The following RYR2 variants were observed in gnomAD, a reference collection of about 807,000 sequenced individuals.
RYR2 encodes the protein ryanodine receptor 2.
A neutral mutation model predicts 601.1 loss-of-function variants in RYR2; 227 were observed. The ratio of observed to expected loss-of-function variants is 0.38; its 90% CI spans 0.34 to 0.42. RYR2 has a LOEUF of 0.42. Among genes scored for constraint, RYR2 ranks in the 10% least tolerant of loss-of-function variants. The pLI is 1.00. For missense variants in RYR2, 4,646 were observed against 6,156.5 expected, an observed-to-expected ratio of 0.75 and a Z score of 8.21; for synonymous variants, 2,223 against 2,175.1, an observed-to-expected ratio of 1.02 and a Z score of -0.61.
intron 3 of RYR2, 147 bp downstream of exon 3, chr1:237,331,129 C>T: frequency 1.4e-6 from 1 of 711,888 alleles, no homozygotes; most frequent in Non-Finnish European, 2.5e-6. Context: ...TGACTTTCTG[C>T]TTTATCTAGC....
intron 48 of RYR2, among the ~76,000 whole-genome samples, chr1:237,647,894 G>A (rs1220344496): frequency 1.3e-5 from 2 of 152,302 alleles, no homozygotes; most frequent in South Asian, 4.1e-4. Flanking sequence ...TGTTGATAGA[G>A]AAAGCAATAT....
chr1:237,440,344 T>A (rs994709781), intron 12 of RYR2, among the ~76,000 whole-genome samples: 1 of 152,150 alleles, frequency 6.6e-6, no homozygotes, highest in Non-Finnish European at 1.5e-5. Flanking sequence ...AGAAGACACG[T>A]AAAGTAAATT....
chr1:237,356,593 G>T (rs916888359), intron 4 of RYR2, among the ~76,000 whole-genome samples: 1 of 152,016 alleles, frequency 6.6e-6, no homozygotes, highest in Non-Finnish European at 1.5e-5. Flanking sequence ...GAAGGTGAAT[G>T]ACCATGTAGA....
intron 1 of RYR2, among the ~76,000 whole-genome samples, chr1:237,135,532 A>ATTT (rs71178396): frequency 7.3e-6 from 1 of 136,056 alleles, no homozygotes; most frequent in African/African-American, 2.8e-5. Flanking sequence ...ACCACACCTA[A>ATTT]TTTTTTTTTT....
chr1:237,484,773 A>G (rs1472503008), intron 17 of RYR2, among the ~76,000 whole-genome samples: 1 of 152,212 alleles, frequency 6.6e-6, no homozygotes, highest in African/African-American at 2.4e-5. Flanking sequence ...TAAGTCTATC[A>G]GTAAAAAGCA....
chr1:237,705,547 T>C (rs1688297869), intron 67 of RYR2, among the ~76,000 whole-genome samples: 1 of 152,088 alleles, frequency 6.6e-6, no homozygotes, highest in Non-Finnish European at 1.5e-5. Context: ...GCAATCAGAA[T>C]ATGTGGTAAT....
At chr1:237,825,992 G>A (rs142618878) in intron 101 of RYR2, among the ~76,000 whole-genome samples, 2,228 of 152,172 alleles carry the variant, frequency 0.015, 28 homozygotes, top group Non-Finnish European at 0.019. Flanking sequence ...TTAGAATGGC[G>A]ATCATTAAAA....
intron 24 of RYR2, among the ~76,000 whole-genome samples, chr1:237,514,630 A>T (rs1666239344): frequency 6.6e-6 from 1 of 152,148 alleles, no homozygotes; most frequent in Non-Finnish European, 1.5e-5. Context: ...TATTTCCTTT[A>T]TTCACTTATT....
rs147406071 is a variant in RYR2, at chr1:237,734,785, G to A, written c.11091+1029G>A. Among the ~76,000 whole-genome samples, 12 of 152,308 alleles carry A rather than the reference G, an allele frequency of 7.9e-5. No individual in the cohort carries two copies. In the East Asian group the frequency reaches 1.9e-3, roughly 24 times the overall value. On this transcript the variant is annotated intron_variant, in intron 79 of 104. Coordinates refer to ENST00000366574, the MANE Select transcript of RYR2 (RefSeq NM_001035.3). Reference sequence around the variant, plus strand: ...AGAAGGCAAAGTAAATTGTGGATGCGTTAAAGATGCCTGTGAGACATCTAA... The same window carrying A: ...AGAAGGCAAAGTAAATTGTGGATGCATTAAAGATGCCTGTGAGACATCTAA...
chr1:237,533,804 G>T (rs1032368892), intron 25 of RYR2, among the ~76,000 whole-genome samples: 2 of 152,096 alleles, frequency 1.3e-5, no homozygotes, highest in African/African-American at 4.8e-5. Flanking sequence ...TATAGGCAGG[G>T]ATGTAAGATG....
chr1:237,176,390 A>G (rs1678065838), intron 1 of RYR2, among the ~76,000 whole-genome samples: 1 of 151,116 alleles, frequency 6.6e-6, no homozygotes, highest in Non-Finnish European at 1.5e-5. Flanking sequence ...TCTAATTACA[A>G]CTGACAGCAC....
At chr1:237,516,256 A>C (rs935561713) in intron 24 of RYR2, among the ~76,000 whole-genome samples, 1 of 151,280 alleles carries the variant, frequency 6.6e-6, no homozygotes, top group Non-Finnish European at 1.5e-5. Context: ...GATTACAGGC[A>C]CCTGCCACCA....
chr1:237,525,540 T>A (rs1350926162), intron 24 of RYR2, among the ~76,000 whole-genome samples: 1 of 151,906 alleles, frequency 6.6e-6, no homozygotes, highest in African/African-American at 2.4e-5. Flanking sequence ...AACTTCTGCT[T>A]CCCAGGTTCA....
chr1:237,770,663 A>C, intron 84 of RYR2, 144 bp from the exon 85 acceptor site: 1 of 523,808 alleles, frequency 1.9e-6, no homozygotes, highest in Non-Finnish European at 3.6e-6. Context: ...TATGAGCTTC[A>C]GATAGAAAAG....
chr1:237,439,937 G>C (rs2150140574), intron 12 of RYR2, among the ~76,000 whole-genome samples: 1 of 152,214 alleles, frequency 6.6e-6, no homozygotes, highest in South Asian at 2.1e-4. Flanking sequence ...GTTGGTAAAA[G>C]TAGATTAGTA....
chr1:237,771,291 G>T (rs1045724509), intron 85 of RYR2, among the ~76,000 whole-genome samples: 5 of 151,812 alleles, frequency 3.3e-5, no homozygotes, highest in African/African-American at 1.2e-4. Flanking sequence ...CGTGCTCATA[G>T]TCCCATCTAC....
At chr1:237,647,540 A>G (rs777008565) in intron 48 of RYR2, among the ~76,000 whole-genome samples, 2 of 152,254 alleles carry the variant, frequency 1.3e-5, no homozygotes, top group African/African-American at 4.8e-5. Flanking sequence ...TGATTCACAT[A>G]TAAAATTTTT....
chr1:237,548,730 T>G (rs1283248587), intron 26 of RYR2, 140 bp downstream of exon 26: 4 of 1,050,006 alleles, frequency 3.8e-6, no homozygotes, highest in Non-Finnish European at 5.4e-6. Flanking sequence ...CTAAAACAGC[T>G]GTTTAATGCT....
intron 63 of RYR2, among the ~76,000 whole-genome samples, chr1:237,694,329 C>T (rs189456125): frequency 1.3e-3 from 196 of 150,406 alleles, no homozygotes; most frequent in African/African-American, 4.6e-3. Flanking sequence ...ACTTAAAGTA[C>T]TCAGAATCAC....
Sources: allele counts gnomAD v4.1 joint callset (sites outside exome capture counted in the v4.1 genomes callset), GRCh38; gene constraint gnomAD v4.1.1; transcripts MANE v1.5; gene names NCBI Gene and HGNC (gene_info 2026-07-23, HGNC 2026-07-21).